SPATA1: variants seen among roughly 807,000 people sequenced by gnomAD.
SPATA1 encodes spermatogenesis associated 1.
A neutral mutation model predicts 59.6 loss-of-function variants in SPATA1; 57 were observed. The ratio of observed to expected loss-of-function variants is 0.96; its 90% CI spans 0.77 to 1.19. The LOEUF (loss-of-function observed/expected upper bound fraction) is 1.19, where lower values mean the gene tolerates loss of function less well. Ranked by LOEUF, SPATA1 falls within the 50% of genes most tolerant of loss-of-function variation. SPATA1 has a pLI of 0.00. For synonymous variants in SPATA1, 147 were observed against 163.9 expected (o/e 0.90, Z 0.79); for missense variants, 448 against 480.7 (o/e 0.93, Z 0.64).
intron 12 of SPATA1, 181 bp downstream of exon 12, chr1:84,550,711 T>C (rs1684244671): frequency 8.5e-7 from 1 of 1,179,280 alleles, no homozygotes; most frequent in Admixed American, 4.5e-5. Context: ...ACTAAACCTG[T>C]GAAAAGATAC....
intron 4 of SPATA1, among the ~76,000 whole-genome samples, chr1:84,523,241 A>G (rs1683096342): frequency 6.6e-6 from 1 of 152,028 alleles, no homozygotes; most frequent in South Asian, 2.1e-4. Context: ...TCCTATTTGT[A>G]GTTTCTATGA....
At chr1:84,544,451 A>G in intron 9 of SPATA1, 147 bp downstream of exon 9, 1 of 627,614 alleles carries the variant, frequency 1.6e-6, no homozygotes, top group South Asian at 2.0e-5. Flanking sequence ...GTTTCACAAC[A>G]GTGTGAATGT....
In SPATA1 at chr1:84,550,371, G is replaced by A. The variant is rs1388254472; in HGVS notation, c.1126-61G>A. The A allele has an allele frequency of 1.9e-5, 14 of 749,604 alleles. No individual in the cohort carries two copies. The South Asian group carries it at 4.0e-4, about 21-fold the overall frequency. The allele number at this position is 749,604 out of a possible 1,614,324, so 46.4% of individuals were successfully genotyped here. On this transcript the variant is annotated intron_variant, in intron 11 of 12. Transcript: ENST00000490879. ...ATCATTTCATAGTTTATGTTCACAA[G>A]GCAGTTAAAAATAAAAATGTTTATA...
At chr1:84,530,714 G>A (rs1370771927) in intron 6 of SPATA1, among the ~76,000 whole-genome samples, 1 of 152,212 alleles carries the variant, frequency 6.6e-6, no homozygotes, top group Non-Finnish European at 1.5e-5. Context: ...AGAGAAGTTA[G>A]AGAAATAACT....
chr1:84,553,031 A>G, intron 12 of SPATA1: 1 of 1,508,082 alleles, frequency 6.6e-7, no homozygotes, highest in Non-Finnish European at 8.9e-7. Context: ...AATTCTTTTT[A>G]TAGATGAGAA....
At chr1:84,546,943 G>A (rs1684106582) in intron 10 of SPATA1, among the ~76,000 whole-genome samples, 1 of 151,342 alleles carries the variant, frequency 6.6e-6, no homozygotes, top group African/African-American at 2.4e-5. Context: ...TGGCTTGAGA[G>A]TTGCTAAATT....
At chr1:84,538,348 G>T (rs1350800442) in intron 8 of SPATA1, among the ~76,000 whole-genome samples, 1 of 152,196 alleles carries the variant, frequency 6.6e-6, no homozygotes, top group Non-Finnish European at 1.5e-5. Context: ...TCACTGTTTT[G>T]CCTAAGGGCT....
chr1:84,543,170 T>G (rs1028185197), intron 8 of SPATA1, among the ~76,000 whole-genome samples: 1 of 152,236 alleles, frequency 6.6e-6, no homozygotes, highest in East Asian at 1.9e-4. Flanking sequence ...GGGGACTAAC[T>G]GTAAGACAAA....
At position 84,523,853 on chromosome 1, in the gene SPATA1, G is replaced by A. The variant is rs533439427; in HGVS notation, c.261+1346G>A. On this transcript the variant is annotated intron_variant, in intron 4 of 12. Transcript: ENST00000490879. ...TGGTATGTAAATGTACAAAATATCA[G>A]TCATAGAATCCCAGATTGGAAGGGA... Among the ~76,000 whole-genome samples, 259 of 152,030 alleles carry A rather than the reference G, an allele frequency of 1.7e-3. 1 individual carries two copies. Among genetic ancestry groups the A allele is most frequent in the Admixed American group, 3.3e-3 (51 of 15,264 alleles).
chr1:84,557,649 A>C (rs1192983067), downstream of SPATA1, among the ~76,000 whole-genome samples: 1 of 151,354 alleles, frequency 6.6e-6, no homozygotes, highest in Non-Finnish European at 1.5e-5. Context: ...AGGTCAGGAG[A>C]TCGAGACCAT....
In SPATA1 at chr1:84,533,777, A is replaced by C; in HGVS notation, c.717+11A>C. The C allele has an allele frequency of 6.5e-7, 1 of 1,537,990 alleles. No individual in the cohort carries two copies. ...AGACAGGACAATCAGGTACTATTTA[A>C]AATTTTTTGTTTAAACATGGTATTG... On this transcript the variant is annotated intron_variant, in intron 8 of 12. Coordinates refer to ENST00000490879, the Ensembl canonical transcript of SPATA1.
chr1:84,550,355 T>C (rs1462708726), intron 11 of SPATA1, 77 bp from the exon 12 acceptor site: 5 of 621,614 alleles, frequency 8.0e-6, no homozygotes, highest in African/African-American at 1.9e-5. Flanking sequence ...TATCATTTCA[T>C]AGTTTATGTT....
At chr1:84,547,806 A>C (rs1184606154) in intron 10 of SPATA1, among the ~76,000 whole-genome samples, 2 of 152,336 alleles carry the variant, frequency 1.3e-5, no homozygotes, top group East Asian at 3.9e-4. Flanking sequence ...GGCCAAATCA[A>C]AGATTTTGGA....
chr1:84,518,017 A>G (rs1165328182), intron 2 of SPATA1, among the ~76,000 whole-genome samples: 1 of 152,112 alleles, frequency 6.6e-6, no homozygotes, highest in East Asian at 1.9e-4. Flanking sequence ...TGTCCCTTGA[A>G]GGCTATATAG....
At chr1:84,511,789 C>T (rs1400552535) in intron 1 of SPATA1, among the ~76,000 whole-genome samples, 1 of 148,140 alleles carries the variant, frequency 6.8e-6, no homozygotes, top group Non-Finnish European at 1.5e-5. Context: ...TCAAGCAAGT[C>T]TCCTGCCTCA....
At chr1:84,519,748 C>T (rs968186029) in intron 2 of SPATA1, among the ~76,000 whole-genome samples, 1 of 152,042 alleles carries the variant, frequency 6.6e-6, no homozygotes, top group Admixed American at 6.6e-5. Context: ...AAACCTTATG[C>T]TCAGGAACTA....
At chr1:84,560,128 AGAAAG>A (rs1684563583) in intron 4 of SPATA1, among the ~76,000 whole-genome samples, 3 of 149,062 alleles carry the variant, frequency 2.0e-5, no homozygotes, top group African/African-American at 5.0e-5. Flanking sequence ...AAAGAAAGAA[AGAAAG>A]GAAAGAAAGA....
At chr1:84,516,106 T>C (rs1232493393) in intron 1 of SPATA1, 117 bp from the exon 2 acceptor site, 1 of 378,578 alleles carries the variant, frequency 2.6e-6, no homozygotes, top group Non-Finnish European at 4.7e-6. Flanking sequence ...ACAGTCCTAT[T>C]TACTAGTAAT....
At chr1:84,559,475 A>G (rs2102020486), downstream of SPATA1, among the ~76,000 whole-genome samples, 1 of 152,178 alleles carries the variant, frequency 6.6e-6, no homozygotes, top group Non-Finnish European at 1.5e-5. Flanking sequence ...ACAAAAAATT[A>G]GCCGGGCATG....
Sources: allele counts gnomAD v4.1 joint callset (sites outside exome capture counted in the v4.1 genomes callset), GRCh38; gene constraint gnomAD v4.1.1; transcripts MANE v1.5; gene names NCBI Gene and HGNC (gene_info 2026-07-23, HGNC 2026-07-21).